SIPA1L1: variants seen among roughly 807,000 people sequenced by gnomAD.
SIPA1L1 encodes the protein signal induced proliferation associated 1 like 1.
SIPA1L1 carries 26 observed loss-of-function variants against 162.7 expected under a neutral mutation model. That is an observed-to-expected ratio of 0.16 (90% confidence interval 0.12 to 0.22). SIPA1L1 has a LOEUF of 0.22. Among genes scored for constraint, SIPA1L1 ranks in the 10% least tolerant of loss-of-function variants. The pLI is 1.00. For synonymous variants in SIPA1L1, 829 were observed against 837.4 expected (o/e 0.99, Z 0.17); for missense variants, 1,874 against 2,241.0 (o/e 0.84, Z 3.31).
intron 2 of SIPA1L1, among the ~76,000 whole-genome samples, chr14:71,492,696 T>G (rs565426338): frequency 6.6e-6 from 1 of 152,096 alleles, no homozygotes; most frequent in South Asian, 2.1e-4. Flanking sequence ...ACAATTATGG[T>G]TCACTCCAGC....
intron 7 of SIPA1L1, among the ~76,000 whole-genome samples, chr14:71,636,076 C>G (rs763768550): frequency 3.9e-5 from 6 of 151,908 alleles, no homozygotes; most frequent in Non-Finnish European, 7.4e-5. Context: ...ACTGATGAAA[C>G]TAAAAGGAGA....
intron 2 of SIPA1L1, among the ~76,000 whole-genome samples, chr14:71,380,059 A>C (rs2039764396): frequency 6.6e-6 from 1 of 152,206 alleles, no homozygotes; most frequent in Non-Finnish European, 1.5e-5. Context: ...TTGCCATTTT[A>C]ATCTAAGTCA....
At chr14:71,621,542 G>A (rs538946572) in intron 6 of SIPA1L1, among the ~76,000 whole-genome samples, 31 of 152,160 alleles carry the variant, frequency 2.0e-4, no homozygotes, top group Admixed American at 3.3e-4. Flanking sequence ...AAACCACAGA[G>A]GCCTTCCTTG....
intron 10 of SIPA1L1, among the ~76,000 whole-genome samples, chr14:71,663,817 A>C (rs1364944938): frequency 1.3e-5 from 2 of 152,204 alleles, no homozygotes; most frequent in Non-Finnish European, 2.9e-5. Flanking sequence ...GCAGGTCTGG[A>C]ATTTCCTAGT....
In SIPA1L1 at chr14:71,556,068, A is replaced by T. The variant is rs376762918; in HGVS notation, c.-303+26698A>T. Among the ~76,000 whole-genome samples, 3 of 152,346 alleles carry T rather than the reference A, an allele frequency of 2.0e-5. No individual in the cohort carries two copies. The East Asian group carries it at 5.8e-4, about 29-fold the overall frequency. On this transcript the variant is annotated intron_variant, in intron 4 of 23. Transcript: ENST00000381232. ...GCTGTTGGAAAAATAGCACTGACAG[A>T]CTTGCTCAATGCAGGGTTGCCTCAC...
chr14:71,588,662 G>A lies in SIPA1L1; in HGVS notation c.790G>A (p.Gly264Arg), dbSNP rs753338800. The A allele has an allele frequency of 9.3e-6, 15 of 1,613,812 alleles. No individual in the cohort carries two copies. The highest frequency in any genetic ancestry group is 5.0e-5 in the Admixed American group (3 of 59,982). Residue 264 changes from glycine (G) to arginine (R), a missense_variant, in exon 5 of 24, where the codon GGG becomes AGG. Around this residue, in one of 5 missense-constraint regions of SIPA1L1, gnomAD observed 685 missense variants for 828.0 expected, o/e 0.83. Coordinates refer to ENST00000381232, the MANE Select transcript of SIPA1L1 (RefSeq NM_001386936.1). This position sits in a 1 kb window ranked among gnomAD's most constrained non-coding sequence, Gnocchi z 4.3. ...GSGFSLDVID[G>R]PISQRENLRL... ...TGGTTTCTCTTTGGATGTAATAGACGGGCCTATCTCACAGAGAGAGAACCT... is the reference window on the plus strand; with the variant it reads ...TGGTTTCTCTTTGGATGTAATAGACAGGCCTATCTCACAGAGAGAGAACCT...
At chr14:71,484,723 G>C (rs1595709674) in intron 2 of SIPA1L1, among the ~76,000 whole-genome samples, 1 of 152,190 alleles carries the variant, frequency 6.6e-6, no homozygotes, top group East Asian at 1.9e-4. Context: ...GAATTCAGCA[G>C]TTATTGTCAG....
chr14:71,707,086 G>A, intron 16 of SIPA1L1, among the ~76,000 whole-genome samples: 1 of 148,810 alleles, frequency 6.7e-6, no homozygotes, highest in Non-Finnish European at 1.5e-5. Flanking sequence ...CCTCCCCTTA[G>A]CCAATGAAGA....
intron 2 of SIPA1L1, among the ~76,000 whole-genome samples, chr14:71,495,241 C>A (rs541289278): frequency 6.6e-6 from 1 of 152,130 alleles, no homozygotes; most frequent in South Asian, 2.1e-4. Flanking sequence ...CATGGTGAAG[C>A]CATCTAGTCC....
chr14:71,492,065 G>T (rs969596264), intron 2 of SIPA1L1, among the ~76,000 whole-genome samples: 2 of 152,090 alleles, frequency 1.3e-5, no homozygotes, highest in Admixed American at 6.5e-5. Context: ...GCTAGCATTG[G>T]CCGAGATGCC....
At chr14:71,345,672 C>A (rs1246736080) in intron 2 of SIPA1L1, among the ~76,000 whole-genome samples, 1 of 149,940 alleles carries the variant, frequency 6.7e-6, no homozygotes, top group East Asian at 2.0e-4. Flanking sequence ...CTCCCGAGTT[C>A]ATGCCATTCT....
chr14:71,548,921 C>T (rs2055514835), intron 4 of SIPA1L1, among the ~76,000 whole-genome samples: 1 of 149,138 alleles, frequency 6.7e-6, no homozygotes, highest in South Asian at 2.1e-4. Context: ...AATGAAAAGG[C>T]ATGCTTATAT....
At chr14:71,405,350 TG>T (rs2140146148) in intron 2 of SIPA1L1, among the ~76,000 whole-genome samples, 1 of 152,302 alleles carries the variant, frequency 6.6e-6, no homozygotes, top group Admixed American at 6.5e-5. Context: ...GTGAGTATGC[TG>T]GGGAGACAGA....
At chr14:71,379,000 T>A (rs1424762859) in intron 2 of SIPA1L1, among the ~76,000 whole-genome samples, 1 of 152,162 alleles carries the variant, frequency 6.6e-6, no homozygotes, top group Non-Finnish European at 1.5e-5. Context: ...ATTGATCTAG[T>A]TCTTCTCATT....
At chr14:71,513,265 TCTGCC>T (rs2144489175) in intron 3 of SIPA1L1, among the ~76,000 whole-genome samples, 1 of 152,264 alleles carries the variant, frequency 6.6e-6, no homozygotes, top group Non-Finnish European at 1.5e-5. Context: ...TGTCTTGGTG[TCTGCC>T]AAGAATTGGA....
intron 2 of SIPA1L1, among the ~76,000 whole-genome samples, chr14:71,342,660 A>G (rs1052630284): frequency 1.3e-5 from 2 of 152,250 alleles, no homozygotes; most frequent in Non-Finnish European, 2.9e-5. Flanking sequence ...TACTTTTTTT[A>G]TACCTGAACT....
chr14:71,550,261 T>A (rs1302444596), intron 4 of SIPA1L1, among the ~76,000 whole-genome samples: 2 of 151,384 alleles, frequency 1.3e-5, no homozygotes, highest in Non-Finnish European at 2.9e-5. Flanking sequence ...AAAACAGAAA[T>A]TTTTTTTTAA....
At position 71,671,695 on chromosome 14, in the gene SIPA1L1, G is replaced by T; in HGVS notation, c.2829+3G>T. 6.3e-7 allele frequency: 1 copy of T among 1,579,194 alleles called. No individual in the cohort carries two copies. The highest frequency in any genetic ancestry group is 8.6e-7 in the Non-Finnish European group (1 of 1,164,458). ...AAGAGATTGTCAAAAGGTTGCAGGT[G>T]AGTCTCTCCTTCCTCTTCCTTACAT... On this transcript the variant is annotated splice_donor_region_variant and intron_variant, in intron 11 of 23. Coordinates refer to ENST00000381232, the MANE Select transcript of SIPA1L1 (RefSeq NM_001386936.1).
intron 2 of SIPA1L1, among the ~76,000 whole-genome samples, chr14:71,380,180 G>C (rs928945388): frequency 6.6e-6 from 1 of 152,180 alleles, no homozygotes; most frequent in Non-Finnish European, 1.5e-5. Flanking sequence ...CCTAATGTGT[G>C]TAAAATTGTG....
Sources: gnomAD v4.1 joint callset for allele counts (sites outside exome capture counted in the v4.1 genomes callset) on GRCh38, gnomAD v4.1.1 for gene constraint, gnomAD v4.1.1 regional missense constraint, Gnocchi (gnomAD v3.1) non-coding constraint, MANE v1.5 for transcripts, NCBI Gene and HGNC (gene_info 2026-07-23, HGNC 2026-07-21) for gene names.